SUMF1: variants seen among roughly 807,000 people sequenced by gnomAD.
SUMF1 encodes the protein sulfatase modifying factor 1.
SUMF1 carries 48 observed loss-of-function variants against 47.6 expected under a neutral mutation model. The ratio of observed to expected loss-of-function variants is 1.01; its 90% CI spans 0.80 to 1.28. The LOEUF (loss-of-function observed/expected upper bound fraction) is 1.28. SUMF1 is among the 50% of genes most tolerant of loss of function. The pLI is 0.00. For synonymous variants in SUMF1, 230 were observed against 192.1 expected, an observed-to-expected ratio of 1.20 and a Z score of -1.63; for missense variants, 571 against 485.4, an observed-to-expected ratio of 1.18 and a Z score of -1.66.
At chr3:4,041,626 G>A (rs970294460) in intron 9 of SUMF1, among the ~76,000 whole-genome samples, 2 of 152,082 alleles carry the variant, frequency 1.3e-5, no homozygotes, top group African/African-American at 4.8e-5. Flanking sequence ...TTGGGGGGAA[G>A]AAAACTTGCC....
chr3:4,392,615 G>GTGTATATA (rs1433132957), intron 7 of SUMF1, among the ~76,000 whole-genome samples: 21 of 96,120 alleles, frequency 2.2e-4, no homozygotes, highest in South Asian at 2.8e-4. Flanking sequence ...GTGTGTGTGT[G>GTGTATATA]TATATATATA....
chr3:4,187,351 A>C (rs1695222720), intron 8 of SUMF1, among the ~76,000 whole-genome samples: 1 of 152,242 alleles, frequency 6.6e-6, no homozygotes, highest in East Asian at 1.9e-4. Context: ...CCTGGGAGAC[A>C]GAGTGAGACC....
chr3:4,163,393 AGGG>A (rs1559525355), intron 8 of SUMF1, among the ~76,000 whole-genome samples: 1 of 5,484 alleles, frequency 1.8e-4, no homozygotes, highest in Non-Finnish European at 4.3e-4. Flanking sequence ...GGAGGGAGGG[AGGG>A]AGGGAGGGAG....
chr3:4,332,767 G>A (rs1450799270), intron 8 of SUMF1, among the ~76,000 whole-genome samples: 1 of 152,132 alleles, frequency 6.6e-6, no homozygotes, highest in Non-Finnish European at 1.5e-5. Flanking sequence ...CCCTGGTAAA[G>A]GTCCCACCCT....
chr3:4,232,774 A>C (rs1242504279), intron 8 of SUMF1, among the ~76,000 whole-genome samples: 1 of 152,068 alleles, frequency 6.6e-6, no homozygotes, highest in Non-Finnish European at 1.5e-5. Flanking sequence ...ATACATTCTC[A>C]GCACCTTAGA....
intron 8 of SUMF1, among the ~76,000 whole-genome samples, chr3:4,307,635 AT>A (rs1698242866): frequency 6.6e-6 from 1 of 152,196 alleles, no homozygotes; most frequent in Admixed American, 6.5e-5. Context: ...CCAGTATATC[AT>A]TTTGCCGTGA....
chr3:4,167,223 C>G (rs972185526), intron 8 of SUMF1, among the ~76,000 whole-genome samples: 1 of 151,988 alleles, frequency 6.6e-6, no homozygotes, highest in Admixed American at 6.5e-5. Context: ...TTGTGAAGAG[C>G]GAAAGAACAA....
intron 8 of SUMF1, among the ~76,000 whole-genome samples, chr3:4,254,808 A>C (rs1696905436): frequency 1.3e-5 from 2 of 150,672 alleles, no homozygotes. Context: ...AAGACACATA[A>C]TTGTCAGATT....
intron 8 of SUMF1, among the ~76,000 whole-genome samples, chr3:4,212,344 T>C (rs902397102): frequency 1.3e-5 from 2 of 152,138 alleles, no homozygotes; most frequent in East Asian, 3.9e-4. Context: ...AGGGGCCTGA[T>C]TGTTAGAAGG....
At chr3:4,460,307 A>G (rs1432443707) in intron 1 of SUMF1, among the ~76,000 whole-genome samples, 1 of 152,160 alleles carries the variant, frequency 6.6e-6, no homozygotes, top group Non-Finnish European at 1.5e-5. Context: ...ACTCTTCTAT[A>G]TGTTTTTAAA....
chr3:4,056,781 G>A (rs1033674208), intron 9 of SUMF1, among the ~76,000 whole-genome samples: 4 of 151,856 alleles, frequency 2.6e-5, no homozygotes, highest in Admixed American at 2.6e-4. Context: ...TTGCTCTACT[G>A]CCCAGGCTAG....
At chr3:4,085,088 G>A (rs1467159263) in intron 8 of SUMF1, among the ~76,000 whole-genome samples, 2 of 152,098 alleles carry the variant, frequency 1.3e-5, no homozygotes, top group African/African-American at 4.8e-5. Context: ...CAGATTAGGG[G>A]TGGGCCAACC....
At chr3:4,035,599 G>A (rs1694778628) in intron 9 of SUMF1, among the ~76,000 whole-genome samples, 1 of 152,142 alleles carries the variant, frequency 6.6e-6, no homozygotes, top group Non-Finnish European at 1.5e-5. Context: ...ATATTTTAGA[G>A]AGGCCACAAC....
chr3:4,127,594 G>C (rs1297851082), intron 8 of SUMF1, among the ~76,000 whole-genome samples: 1 of 152,080 alleles, frequency 6.6e-6, no homozygotes. Context: ...TTGGCGCTTG[G>C]ACTGCCTCTC....
intron 8 of SUMF1, among the ~76,000 whole-genome samples, chr3:4,307,477 G>A (rs1336091426): frequency 6.6e-6 from 1 of 152,166 alleles, no homozygotes; most frequent in Non-Finnish European, 1.5e-5. Flanking sequence ...AGACCCTGAA[G>A]TTCATGCTAT....
chr3:4,222,139 C>A (rs1216630337), intron 8 of SUMF1, among the ~76,000 whole-genome samples: 2 of 151,954 alleles, frequency 1.3e-5, no homozygotes, highest in Non-Finnish European at 2.9e-5. Flanking sequence ...AGAGCATGTA[C>A]CAAAATACTA....
chr3:4,287,612 G>A (rs1046713462), intron 8 of SUMF1, among the ~76,000 whole-genome samples: 12 of 152,126 alleles, frequency 7.9e-5, no homozygotes, highest in East Asian at 1.9e-4. Flanking sequence ...CAAAAGGAAC[G>A]TGGCACAATC....
intron 8 of SUMF1, among the ~76,000 whole-genome samples, chr3:4,268,931 T>C (rs146716025): frequency 0.062 from 9,418 of 152,156 alleles, 588 homozygotes; most frequent in African/African-American, 0.16. Context: ...TTCACTTAAG[T>C]TGCAAATCAT....
At chr3:4,375,698 G>A (rs897019457) in intron 8 of SUMF1, among the ~76,000 whole-genome samples, 2 of 152,082 alleles carry the variant, frequency 1.3e-5, no homozygotes, top group African/African-American at 2.4e-5. Context: ...TTCAGGAGAC[G>A]TGAAAAATAT....
Sources: allele counts gnomAD v4.1 joint callset (sites outside exome capture counted in the v4.1 genomes callset), GRCh38; gene constraint gnomAD v4.1.1; transcripts MANE v1.5; gene names NCBI Gene and HGNC (gene_info 2026-07-23, HGNC 2026-07-21).